SMARCA2: variants seen among roughly 807,000 people sequenced by gnomAD.
The protein encoded by SMARCA2 is SWI/SNF-related matrix-associated actin-dependent regulator of chromatin subfamily A member 2.
Under a neutral mutation model 199.8 loss-of-function variants are expected in SMARCA2, and 61 were observed. That is an observed-to-expected ratio of 0.31 (90% CI 0.25 to 0.38). The LOEUF is 0.38. Among genes scored for constraint, SMARCA2 ranks in the 10% least tolerant of loss-of-function variants. The pLI, the probability that SMARCA2 is intolerant of heterozygous loss-of-function variation, is 1.00. For missense variants in SMARCA2, 1,344 were observed against 2,012.2 expected, an observed-to-expected ratio of 0.67 and a Z score of 6.35; for synonymous variants, 935 against 732.0, an observed-to-expected ratio of 1.28 and a Z score of -4.48.
intron 21 of SMARCA2, among the ~76,000 whole-genome samples, chr9:2,100,311 C>T: frequency 6.6e-6 from 1 of 152,186 alleles, no homozygotes; most frequent in East Asian, 1.9e-4. Context: ...TGATTACGTT[C>T]TGTATTCTGA....
chr9:2,064,450 T>G (rs1446605617), intron 9 of SMARCA2, among the ~76,000 whole-genome samples: 1 of 152,204 alleles, frequency 6.6e-6, no homozygotes, highest in African/African-American at 2.4e-5. Flanking sequence ...AAGTGCTCAG[T>G]AAACATTATT....
chr9:2,037,785 A>G (rs1419638687), intron 3 of SMARCA2, among the ~76,000 whole-genome samples: 1 of 152,234 alleles, frequency 6.6e-6, no homozygotes, highest in African/African-American at 2.4e-5. Context: ...ATGTAATGCC[A>G]TATTCTGGGA....
intron 29 of SMARCA2, among the ~76,000 whole-genome samples, chr9:2,181,064 G>A (rs1402942192): frequency 3.3e-5 from 5 of 152,084 alleles, no homozygotes; most frequent in South Asian, 2.1e-4. Flanking sequence ...CAGTAGGTAC[G>A]TACGAAGGCT....
intron 29 of SMARCA2, among the ~76,000 whole-genome samples, chr9:2,173,398 G>T (rs552177400): frequency 6.6e-6 from 1 of 152,176 alleles, no homozygotes; most frequent in African/African-American, 2.4e-5. Context: ...AAATGAGAGC[G>T]AGAGGCTGTA....
intron 21 of SMARCA2, among the ~76,000 whole-genome samples, chr9:2,097,701 A>G (rs935699836): frequency 2.0e-5 from 3 of 152,212 alleles, no homozygotes; most frequent in Non-Finnish European, 4.4e-5. Context: ...TTTATAACCA[A>G]GAGTTTAAAG....
At chr9:2,174,975 A>T (rs1826475152) in intron 29 of SMARCA2, among the ~76,000 whole-genome samples, 1 of 149,572 alleles carries the variant, frequency 6.7e-6, no homozygotes. Context: ...GCAGGAAAGG[A>T]TCAAAGGACA....
At chr9:2,168,347 C>G (rs1045812181) in intron 28 of SMARCA2, among the ~76,000 whole-genome samples, 2 of 152,130 alleles carry the variant, frequency 1.3e-5, no homozygotes, top group African/African-American at 4.8e-5. Context: ...AGCAGCTTTC[C>G]AAGAATTTGG....
intron 21 of SMARCA2, among the ~76,000 whole-genome samples, chr9:2,098,948 A>T: frequency 7.2e-6 from 1 of 139,512 alleles, no homozygotes; most frequent in African/African-American, 2.7e-5. Context: ...ACTCGGTCTC[A>T]AAAAAAAAAA....
In SMARCA2 at chr9:2,104,359, G is replaced by C. The variant is rs1822660932; in HGVS notation, c.3292+190G>C. 6.6e-6 allele frequency among the ~76,000 whole-genome samples: 1 copy of C among 152,170 alleles called. No homozygotes were observed. Among genetic ancestry groups the C allele is most frequent in the African/African-American group, 2.4e-5 (1 of 41,434 alleles). On this transcript the variant is annotated intron_variant, in intron 23 of 33. Transcript: ENST00000349721. The surrounding 1 kb of genome is among the most constrained non-coding windows in gnomAD (Gnocchi z 4.0). ...TAAATAAGCTGACCTCATTTGTGCAGCTGCATAGCCCACAAATAAACCAAC... is the reference window on the plus strand; with the variant it reads ...TAAATAAGCTGACCTCATTTGTGCACCTGCATAGCCCACAAATAAACCAAC...
At chr9:2,154,543 T>C (rs779164437) in intron 27 of SMARCA2, among the ~76,000 whole-genome samples, 2 of 152,178 alleles carry the variant, frequency 1.3e-5, no homozygotes, top group Non-Finnish European at 2.9e-5. Context: ...TTAACCACGA[T>C]GGGTGTAGTG....
At chr9:2,032,736 A>G (rs1474683630) in intron 2 of SMARCA2, 3 of 402,250 alleles carry the variant, frequency 7.5e-6, no homozygotes, top group African/African-American at 2.1e-5. Context: ...AAACAAACAA[A>G]CAAACAAAAA....
chr9:2,070,708 C>A (rs1016948993), intron 10 of SMARCA2, among the ~76,000 whole-genome samples: 12 of 152,166 alleles, frequency 7.9e-5, no homozygotes, highest in African/African-American at 2.9e-4. Flanking sequence ...CATAGTATTT[C>A]AGAATTTTCT....
chr9:2,160,680 A>C (rs1466294705), intron 27 of SMARCA2: 8 of 690,624 alleles, frequency 1.2e-5, no homozygotes, highest in Non-Finnish European at 1.9e-5. Flanking sequence ...TCATTTGCAT[A>C]CTGGAGGCAA....
In SMARCA2 at chr9:2,119,429, G is replaced by C; in HGVS notation, c.3685-29G>C. 2 of 1,533,126 alleles carry C rather than the reference G, an allele frequency of 1.3e-6. No homozygotes were observed. The highest frequency in any genetic ancestry group is 1.4e-5 in the African/African-American group (1 of 73,480). The allele number at this position is 1,533,126 out of a possible 1,614,324, so 95.0% of individuals were successfully genotyped here. A position where few individuals can be genotyped will look rare whatever the true frequency, so the allele number is the denominator to read the frequency against. On this transcript the variant is annotated intron_variant, in intron 25 of 33. Transcript: ENST00000349721. This position sits in a 1 kb window ranked among gnomAD's most constrained non-coding sequence, Gnocchi z 4.6. ...TTGTACCTTGCCCCAGCTGTCCACT[G>C]GTTAAAATCACTCTGTTTTTAACCC... is the stretch of plus-strand genomic sequence containing the variant.
rs1234838725 is a variant in SMARCA2, at chr9:2,158,844, A to G, written c.3982-2842A>G. ...GGAAGTGTTTAGTGAATTGATTTCCATTAGAAAAAGACCCTTAGAAATCAC... is the reference window on the plus strand; with the variant it reads ...GGAAGTGTTTAGTGAATTGATTTCCGTTAGAAAAAGACCCTTAGAAATCAC... On this transcript the variant is annotated intron_variant, in intron 27 of 33. Coordinates refer to ENST00000349721, the MANE Select transcript of SMARCA2 (RefSeq NM_003070.5). The G allele has an allele frequency of 1.1e-5, 13 of 1,201,324 alleles. No homozygotes were observed. The South Asian group carries it at 1.3e-4, about 12-fold the overall frequency. 74.4% of individuals were successfully genotyped at this position (1,201,324 alleles called of 1,614,324 possible).
chr9:2,046,370 A>G (rs192779334), intron 4 of SMARCA2, among the ~76,000 whole-genome samples: 18 of 152,302 alleles, frequency 1.2e-4, no homozygotes, highest in Non-Finnish European at 2.6e-4. Context: ...CAGATTACAT[A>G]TTGTTTTATT....
At chr9:2,106,943 G>T (rs905015546) in intron 23 of SMARCA2, among the ~76,000 whole-genome samples, 2 of 152,160 alleles carry the variant, frequency 1.3e-5, no homozygotes, top group African/African-American at 4.8e-5. Context: ...CCTATTAATT[G>T]TATGCTTATA....
At chr9:2,168,331 C>T (rs1468129565) in intron 28 of SMARCA2, among the ~76,000 whole-genome samples, 2 of 152,164 alleles carry the variant, frequency 1.3e-5, no homozygotes, top group African/African-American at 4.8e-5. Context: ...TATTTTATTA[C>T]ATTATAGCAG....
intron 27 of SMARCA2, among the ~76,000 whole-genome samples, chr9:2,153,190 G>A (rs1035079436): frequency 2.6e-5 from 4 of 152,164 alleles, no homozygotes; most frequent in Admixed American, 6.5e-5. Context: ...TAGAAAAGAC[G>A]TGTATTCTAT....
Sources: gnomAD v4.1 joint callset for allele counts (sites outside exome capture counted in the v4.1 genomes callset) on GRCh38, gnomAD v4.1.1 for gene constraint, Gnocchi (gnomAD v3.1) non-coding constraint, MANE v1.5 for transcripts, NCBI Gene and HGNC (gene_info 2026-07-23, HGNC 2026-07-21) for gene names.